Variants in PISD observed in about 807,000 individuals in gnomAD.
The protein encoded by PISD is phosphatidylserine decarboxylase.
In PISD, 31 loss-of-function variants were observed where a neutral mutation model predicts 43.5. The ratio of observed to expected loss-of-function variants is 0.71; its 90% CI spans 0.54 to 0.96. PISD has a LOEUF of 0.96. Ranked by LOEUF, PISD falls within the 40% of genes least tolerant of loss-of-function variation. PISD has a pLI of 0.00. For synonymous variants in PISD, 259 were observed against 228.7 expected (o/e 1.13, Z -1.20); for missense variants, 523 against 548.4 (o/e 0.95, Z 0.46).
intron 1 of PISD, among the ~76,000 whole-genome samples, chr22:31,660,601 T>C (rs938932271): frequency 2.0e-5 from 3 of 152,154 alleles, no homozygotes; most frequent in Non-Finnish European, 2.9e-5. Flanking sequence ...GAGGCTGCAG[T>C]GAGCCATCAT....
chr22:31,651,067 G>A (rs1314502964), intron 1 of PISD, among the ~76,000 whole-genome samples: 1 of 152,152 alleles, frequency 6.6e-6, no homozygotes, highest in African/African-American at 2.4e-5. Context: ...GGGCTCAAGT[G>A]ATTCTTCTGC....
intron 3 of PISD, among the ~76,000 whole-genome samples, chr22:31,634,895 G>C (rs888442607): frequency 6.6e-6 from 1 of 150,986 alleles, no homozygotes; most frequent in Non-Finnish European, 1.5e-5. Flanking sequence ...GGCCTGGCAC[G>C]GTGACTCATG....
intron 3 of PISD, among the ~76,000 whole-genome samples, chr22:31,647,131 T>C (rs1054525026): frequency 1.3e-5 from 2 of 152,206 alleles, no homozygotes; most frequent in African/African-American, 4.8e-5. Context: ...AAACCTATAA[T>C]GTAGCATGTA....
At chr22:31,658,817 GCCA>G (rs964089589) in intron 1 of PISD, among the ~76,000 whole-genome samples, 1 of 149,904 alleles carries the variant, frequency 6.7e-6, no homozygotes, top group African/African-American at 2.5e-5. Flanking sequence ...ACAGACATAA[GCCA>G]CCACACCTGG....
intron 2 of PISD, among the ~76,000 whole-genome samples, chr22:31,650,382 A>G (rs1003962704): frequency 3.9e-5 from 6 of 151,992 alleles, no homozygotes; most frequent in African/African-American, 1.5e-4. Context: ...AAAAATTAAC[A>G]ATAAAAATTA....
rs1166673404 is a variant in PISD at position 31,624,687 on chromosome 22, CA to C, written c.322-2803del. On this transcript the variant is annotated intron_variant, in intron 3 of 7. Transcript: ENST00000439502. ...CACACACACACACACACACCCATCC[CA>C]AGCCCCTCCTTTCAGCAAAGGTGGA... Among the ~76,000 whole-genome samples, 4 of 148,774 alleles carry C rather than the reference CA, an allele frequency of 2.7e-5. No individual in the cohort carries two copies. The East Asian group carries it at 7.9e-4, about 29-fold the overall frequency.
At chr22:31,633,663 C>T (rs2073300201) in intron 3 of PISD, among the ~76,000 whole-genome samples, 1 of 152,030 alleles carries the variant, frequency 6.6e-6, no homozygotes, top group South Asian at 2.1e-4. Context: ...TGCAGTGAGC[C>T]GAGATCGTAC....
In PISD at chr22:31,619,486, C is replaced by T; in HGVS notation, c.*126G>A. 1 of 739,080 alleles carries T rather than the reference C, an allele frequency of 1.4e-6. No homozygotes were observed. The highest frequency in any genetic ancestry group is 2.4e-6 in the Non-Finnish European group (1 of 411,370). The allele number at this position is 739,080 out of a possible 1,614,324, so 45.8% of individuals were successfully genotyped here. On this transcript the variant is annotated 3_prime_UTR_variant, in exon 8 of 8. Transcript: ENST00000439502. ...TGGTAGCCGAATCATTCAAGTCCTA[C>T]CTGGTCAGACTCCCAACCACGCTGA...
chr22:31,635,540 TG>T (rs1195204534), intron 3 of PISD, among the ~76,000 whole-genome samples: 2 of 152,152 alleles, frequency 1.3e-5, no homozygotes, highest in Non-Finnish European at 2.9e-5. Flanking sequence ...TGACCTCAGG[TG>T]ATCTGCCTGC....
At chr22:31,653,032 C>G (rs1373726130) in intron 1 of PISD, among the ~76,000 whole-genome samples, 1 of 142,994 alleles carries the variant, frequency 7.0e-6, no homozygotes, top group Non-Finnish European at 1.5e-5. Flanking sequence ...GAGTAGGACC[C>G]TACCTTAAAA....
At chr22:31,651,765 AC>A (rs2074034047) in intron 1 of PISD, among the ~76,000 whole-genome samples, 1 of 152,166 alleles carries the variant, frequency 6.6e-6, no homozygotes, top group African/African-American at 2.4e-5. Flanking sequence ...AAAGGAAAAT[AC>A]TATTCTGGTT....
chr22:31,640,342 C>A (rs2073655674), intron 3 of PISD, among the ~76,000 whole-genome samples: 1 of 151,360 alleles, frequency 6.6e-6, no homozygotes, highest in Admixed American at 6.6e-5. Flanking sequence ...GGACCACAGG[C>A]CCATGCCACC....
At chr22:31,652,642 AC>A (rs1240525306) in intron 1 of PISD, among the ~76,000 whole-genome samples, 1 of 151,770 alleles carries the variant, frequency 6.6e-6, no homozygotes, top group East Asian at 2.0e-4. Context: ...CCCCGTCTCT[AC>A]TAAAAATACA....
chr22:31,659,920 G>T (rs1022915325), intron 1 of PISD, among the ~76,000 whole-genome samples: 1 of 151,992 alleles, frequency 6.6e-6, no homozygotes, highest in African/African-American at 2.4e-5. Flanking sequence ...AACTACAGCA[G>T]GCTCAGAGAG....
At chr22:31,628,921 T>C (rs1036142739) in intron 3 of PISD, 2 of 985,170 alleles carry the variant, frequency 2.0e-6, no homozygotes, top group Non-Finnish European at 2.4e-6. Context: ...AAAGATGAAA[T>C]AAGAGGGGCT....
intron 3 of PISD, among the ~76,000 whole-genome samples, chr22:31,643,455 C>T (rs1248776848): frequency 2.6e-5 from 4 of 151,958 alleles, no homozygotes; most frequent in Non-Finnish European, 4.4e-5. Flanking sequence ...TATAAAACTA[C>T]CCTGGCGAAG....
intron 3 of PISD, among the ~76,000 whole-genome samples, chr22:31,643,608 C>T (rs77438998): frequency 0.026 from 3,950 of 152,152 alleles, 152 homozygotes; most frequent in African/African-American, 0.089. Context: ...AAAAACAAAA[C>T]AAAACAAAAA....
rs980945885 is a variant in PISD at position 31,650,550 on chromosome 22, A to G, written c.145+149T>C. 5.8e-6 allele frequency: 3 copies of G among 516,368 alleles called. No individual in the cohort carries two copies. The African/African-American group carries it at 5.9e-5, about 10-fold the overall frequency. 32.0% of individuals were successfully genotyped at this position (516,368 alleles called of 1,614,324 possible). A position where few individuals can be genotyped will look rare whatever the true frequency, so the allele number is the denominator to read the frequency against. On this transcript the variant is annotated intron_variant, in intron 2 of 7. Transcript: ENST00000439502. Reference sequence around the variant, plus strand: ...TCAAAAAAAAAAAAAAAGAAAAAGAAAACCTAACGCTTCAGTGATAACTGC... The same window carrying G: ...TCAAAAAAAAAAAAAAAGAAAAAGAGAACCTAACGCTTCAGTGATAACTGC...
Position 31,655,316 on chromosome 22 carries a change from C to CTTTTTTT in PISD, c.66-4545_66-4539dup, listed in dbSNP as rs58895520. Among the ~76,000 whole-genome samples the CTTTTTTT allele has an allele frequency of 9.6e-3, 1,395 of 145,096 alleles. 24 individuals carry two copies. Among genetic ancestry groups the CTTTTTTT allele is most frequent in the African/African-American group, 0.033 (1,312 of 39,538 alleles). On this transcript the variant is annotated intron_variant, in intron 1 of 7. Coordinates refer to ENST00000439502, the MANE Select transcript of PISD (RefSeq NM_001326411.2). ...CATCCAGCCACTCAGGTACAACCCC[C>CTTTTTTT]TTTTTTTTTTTTTCCCAGAGATGGG...
Sources: allele counts gnomAD v4.1 joint callset (sites outside exome capture counted in the v4.1 genomes callset), GRCh38; gene constraint gnomAD v4.1.1; transcripts MANE v1.5; gene names NCBI Gene and HGNC (gene_info 2026-07-23, HGNC 2026-07-21).